FAM210A: variants seen among roughly 807,000 people sequenced by gnomAD.
FAM210A encodes family with sequence similarity 210 member A.
FAM210A carries 13 observed loss-of-function variants against 25.3 expected under a neutral mutation model. That is an observed-to-expected ratio of 0.51 (90% CI 0.33 to 0.82). The LOEUF (loss-of-function observed/expected upper bound fraction) is 0.82. Among genes scored for constraint, FAM210A ranks in the 40% least tolerant of loss-of-function variants. FAM210A has a pLI of 0.02. For missense variants in FAM210A, 319 were observed against 323.2 expected, an observed-to-expected ratio of 0.99 and a Z score of 0.10; for synonymous variants, 125 against 118.7, an observed-to-expected ratio of 1.05 and a Z score of -0.35.
chr18:13,666,208 C>T lies in FAM210A; in HGVS notation c.*272G>A. On this transcript the variant is annotated 3_prime_UTR_variant, in exon 4 of 4. Coordinates refer to ENST00000651643, the MANE Select transcript of FAM210A (RefSeq NM_152352.4). Reference sequence around the variant, plus strand: ...CAGAAATCAAGTGTGGTTCTGAAGACCTTGAAAAAGAAGTCTGACTTCTAA... The same window carrying T: ...CAGAAATCAAGTGTGGTTCTGAAGATCTTGAAAAAGAAGTCTGACTTCTAA... The T allele has an allele frequency of 2.7e-6, 1 of 365,034 alleles. No individual in the cohort carries two copies. Among genetic ancestry groups the T allele is most frequent in the Non-Finnish European group, 5.0e-6 (1 of 199,380 alleles). The allele number at this position is 365,034 out of a possible 1,614,324, so 22.6% of individuals were successfully genotyped here. A position where few individuals can be genotyped will look rare whatever the true frequency, so the allele number is the denominator to read the frequency against.
chr18:13,669,538 C>T (rs2043426305), intron 3 of FAM210A, among the ~76,000 whole-genome samples: 2 of 152,162 alleles, frequency 1.3e-5, no homozygotes, highest in African/African-American at 4.8e-5. Context: ...CTCACCTTCT[C>T]AGCAAGGTGT....
intron 1 of FAM210A, among the ~76,000 whole-genome samples, chr18:13,706,352 T>G (rs1253603981): frequency 2.0e-5 from 3 of 147,426 alleles, no homozygotes; most frequent in African/African-American, 2.5e-5. Flanking sequence ...GAAATGAAAA[T>G]GGGGGGGGGT....
intron 3 of FAM210A, among the ~76,000 whole-genome samples, chr18:13,667,035 TA>T (rs2043406528): frequency 6.6e-6 from 1 of 152,202 alleles, no homozygotes; most frequent in Non-Finnish European, 1.5e-5. Flanking sequence ...TCAGTACCAG[TA>T]AAAATAACAG....
In FAM210A at chr18:13,681,614, G is replaced by T; in HGVS notation, c.464C>A (p.Ala155Glu). 1 of 1,599,464 alleles carries T rather than the reference G, an allele frequency of 6.3e-7. No individual in the cohort carries two copies. Among genetic ancestry groups the T allele is most frequent in the Non-Finnish European group, 8.5e-7 (1 of 1,173,946 alleles). The stretch of plus-strand genomic sequence containing the variant: ...CTAAGCAAAAACTTACTTCAAGGCT[G>T]CATAATAAAATGTTCCAAACCAAAC... ...SGVWFGTFYYAALKGVNVVPF... is the reference protein window; with the variant it reads ...SGVWFGTFYYEALKGVNVVPF... Residue 155 changes from alanine (A) to glutamate (E), a missense_variant, in exon 2 of 4, where the codon GCA becomes GAA. By Grantham distance (107) the Ala-to-Glu change is moderately radical (BLOSUM62 -1). Coordinates refer to ENST00000651643, the MANE Select transcript of FAM210A (RefSeq NM_152352.4).
At chr18:13,678,089 T>A (rs183739245) in intron 2 of FAM210A, among the ~76,000 whole-genome samples, 64 of 152,312 alleles carry the variant, frequency 4.2e-4, no homozygotes, top group Admixed American at 3.3e-3. Context: ...CAATTCTTTT[T>A]CAAATCTCTT....
In FAM210A at chr18:13,663,753, G is replaced by GTT. The variant is rs2043378689; in HGVS notation, c.*2726_*2727insAA. On this transcript the variant is annotated 3_prime_UTR_variant, in exon 4 of 4. Coordinates refer to ENST00000651643, the MANE Select transcript of FAM210A (RefSeq NM_152352.4). ...ATCACTTGAGCCAGGAGTTCAAGAC[G>GTT]CAAGTGAGCTATGATCATGCCACTG... 3 of 151,980 alleles carry GTT rather than the reference G, an allele frequency of 2.0e-5. No individual in the cohort carries two copies. Among genetic ancestry groups the GTT allele is most frequent in the Admixed American group, 2.0e-4 (3 of 15,246 alleles). 9.4% of individuals were successfully genotyped at this position (151,980 alleles called of 1,614,324 possible).
At chr18:13,715,526 T>C (rs2043854886) in intron 1 of FAM210A, among the ~76,000 whole-genome samples, 1 of 152,200 alleles carries the variant, frequency 6.6e-6, no homozygotes, top group Non-Finnish European at 1.5e-5. Flanking sequence ...AAGTTTAGCA[T>C]ACTCTACTAG....
chr18:13,690,057 C>T (rs2043630082), intron 1 of FAM210A, among the ~76,000 whole-genome samples: 1 of 152,224 alleles, frequency 6.6e-6, no homozygotes, highest in Non-Finnish European at 1.5e-5. Context: ...CTCTCCCACC[C>T]TAATACTGCG....
intron 1 of FAM210A, among the ~76,000 whole-genome samples, chr18:13,693,354 A>G (rs2043665112): frequency 6.6e-6 from 1 of 152,222 alleles, no homozygotes; most frequent in Admixed American, 6.5e-5. Context: ...AAACTATTCC[A>G]ATCAACAGAA....
intron 1 of FAM210A, among the ~76,000 whole-genome samples, chr18:13,689,855 G>A (rs752110685): frequency 4.6e-5 from 7 of 152,224 alleles, no homozygotes; most frequent in Non-Finnish European, 1.0e-4. Flanking sequence ...CCCAGCATGA[G>A]TGACGCAGAA....
At chr18:13,694,389 A>T (rs1454080569) in intron 1 of FAM210A, among the ~76,000 whole-genome samples, 1 of 152,266 alleles carries the variant, frequency 6.6e-6, no homozygotes, top group Non-Finnish European at 1.5e-5. Flanking sequence ...ATGGAACCAA[A>T]AAAGAGTCCG....
intron 2 of FAM210A, among the ~76,000 whole-genome samples, chr18:13,677,152 G>C (rs1253426216): frequency 6.7e-6 from 1 of 150,248 alleles, no homozygotes; most frequent in African/African-American, 2.5e-5. Context: ...TCGGCTTACT[G>C]CAAGTTCCAC....
chr18:13,716,123 G>A (rs1203265506), intron 1 of FAM210A, among the ~76,000 whole-genome samples: 1 of 152,130 alleles, frequency 6.6e-6, no homozygotes, highest in Admixed American at 6.5e-5. Context: ...AGTGGCTGAT[G>A]GCTACTGTAT....
intron 1 of FAM210A, among the ~76,000 whole-genome samples, chr18:13,694,999 A>G (rs982552787): frequency 6.6e-6 from 1 of 152,238 alleles, no homozygotes; most frequent in Non-Finnish European, 1.5e-5. Context: ...AGATTCTACA[A>G]AGAACTTAAA....
intron 1 of FAM210A, among the ~76,000 whole-genome samples, chr18:13,696,471 T>C (rs2043694780): frequency 6.6e-6 from 1 of 152,218 alleles, no homozygotes; most frequent in Non-Finnish European, 1.5e-5. Flanking sequence ...ATTTATATGA[T>C]AAAGGACTTG....
intron 1 of FAM210A, among the ~76,000 whole-genome samples, chr18:13,703,796 T>C (rs1350394885): frequency 6.6e-6 from 1 of 152,236 alleles, no homozygotes; most frequent in Admixed American, 6.5e-5. Flanking sequence ...AACTGTAGTA[T>C]CTTTTAGTTC....
intron 2 of FAM210A, among the ~76,000 whole-genome samples, chr18:13,677,365 C>T (rs528440387): frequency 2.0e-5 from 3 of 152,302 alleles, no homozygotes; most frequent in South Asian, 2.1e-4. Flanking sequence ...TGAGCCATCA[C>T]GCCCGGCCCC....
intron 1 of FAM210A, among the ~76,000 whole-genome samples, chr18:13,724,822 A>G (rs1038070528): frequency 1.3e-5 from 2 of 152,142 alleles, no homozygotes; most frequent in African/African-American, 4.8e-5. Flanking sequence ...CGCCCAGGCT[A>G]GAGTGCAACG....
At position 13,683,470 on chromosome 18, in the gene FAM210A, T is replaced by C. The variant is rs1601948476; in HGVS notation, c.-28-1365A>G. Among the ~76,000 whole-genome samples, 3 of 151,970 alleles carry C rather than the reference T, an allele frequency of 2.0e-5. 1 individual carries two copies. Among genetic ancestry groups the C allele is most frequent in the Middle Eastern group, 3.4e-3 (1 of 290 alleles). On this transcript the variant is annotated intron_variant, in intron 1 of 3. Coordinates refer to ENST00000651643, the MANE Select transcript of FAM210A (RefSeq NM_152352.4). ...GTTCCAGCTACTCGGGAGGCTGAGA[T>C]GGGAGGACACTTGAGCCCAGGTATT... is the stretch of plus-strand genomic sequence containing the variant.
Sources: gnomAD v4.1 joint callset for allele counts (sites outside exome capture counted in the v4.1 genomes callset) on GRCh38, gnomAD v4.1.1 for gene constraint, MANE v1.5 for transcripts, NCBI Gene and HGNC (gene_info 2026-07-23, HGNC 2026-07-21) for gene names.